Variants in LINC00632 observed in about 807,000 individuals in gnomAD.
LINC00632 encodes the protein ALDOA related specific transcript.
exon 5 of LINC00632, among the ~76,000 whole-genome samples, chrX:140,776,548 G>A (rs1351916462): frequency 2.7e-5 from 3 of 112,929 alleles, no homozygotes; most frequent in Non-Finnish European, 5.6e-5. Flanking sequence ...GCCCGCGCGT[G>A]ACCACCCACT....
At chrX:140,714,199 C>T (rs959389960) in intron 2 of LINC00632, 1 of 165,193 alleles carries the variant, frequency 6.1e-6, no homozygotes, top group Non-Finnish European at 1.1e-5. Flanking sequence ...CATCATGACA[C>T]AAAGACTCTC....
chrX:140,735,210 C>T (rs189757001), intron 3 of LINC00632, among the ~76,000 whole-genome samples: 121 of 111,483 alleles, frequency 1.1e-3, no homozygotes, highest in African/African-American at 3.9e-3. Context: ...AAATTTTGTT[C>T]CCATAAATAA....
chrX:140,739,629 T>C (rs1290489239), intron 3 of LINC00632, among the ~76,000 whole-genome samples: 1 of 111,857 alleles, frequency 8.9e-6, no homozygotes, highest in Non-Finnish European at 1.9e-5. Context: ...TTTAATTTTA[T>C]ACTTACTAAT....
chrX:140,765,839 A>G (rs1406620705), intron 3 of LINC00632, among the ~76,000 whole-genome samples: 1 of 111,782 alleles, frequency 8.9e-6, no homozygotes, highest in Admixed American at 9.5e-5. Context: ...TAGGGGATGG[A>G]CTGGTTTTAT....
chrX:140,786,332 G>A (rs1217376334), exon 5 of LINC00632, among the ~76,000 whole-genome samples: 1 of 111,558 alleles, frequency 9.0e-6, no homozygotes, highest in Non-Finnish European at 1.9e-5. Context: ...ACAACATACA[G>A]ATAATTGGAA....
At chrX:140,786,669 T>C (rs962441182) in exon 5 of LINC00632, among the ~76,000 whole-genome samples, 2 of 111,517 alleles carry the variant, frequency 1.8e-5, no homozygotes, top group Admixed American at 1.9e-4. Flanking sequence ...GTTTAGTATA[T>C]TCCACTTCAA....
intron 2 of LINC00632, among the ~76,000 whole-genome samples, chrX:140,712,408 CTTT>C (rs61359627): frequency 0.041 from 3,490 of 84,388 alleles, 198 homozygotes; most frequent in African/African-American, 0.14. Context: ...CCTTCAACCT[CTTT>C]TTTTTTTTTT....
chrX:140,720,386 G>T (rs139134563), intron 2 of LINC00632, among the ~76,000 whole-genome samples: 1 of 111,142 alleles, frequency 9.0e-6, no homozygotes, highest in Non-Finnish European at 1.9e-5. Flanking sequence ...GATACATTAT[G>T]CCACACCTAG....
At chrX:140,760,536 C>T (rs113008685) in intron 3 of LINC00632, among the ~76,000 whole-genome samples, 5,914 of 110,899 alleles carry the variant, frequency 0.053, 137 homozygotes, top group South Asian at 0.087. Context: ...TTTGGGAGGC[C>T]GAGGCGGGTG....
chrX:140,766,614 G>A, intron 3 of LINC00632, among the ~76,000 whole-genome samples: 1 of 111,907 alleles, frequency 8.9e-6, no homozygotes, highest in Non-Finnish European at 1.9e-5. Context: ...GGATATGCAT[G>A]GTCATGTGAT....
chrX:140,723,040 C>CAAAAA (rs200591996), intron 2 of LINC00632, among the ~76,000 whole-genome samples: 1 of 87,118 alleles, frequency 1.1e-5, no homozygotes, highest in Non-Finnish European at 2.2e-5. Flanking sequence ...AACTCCATCT[C>CAAAAA]AAAAAAAAAA....
intron 3 of LINC00632, among the ~76,000 whole-genome samples, chrX:140,753,768 CTTT>C (rs752596283): frequency 2.0e-5 from 1 of 49,729 alleles, no homozygotes. Flanking sequence ...TTCTTTCTTT[CTTT>C]TTTTTTTTTT....
intron 3 of LINC00632, among the ~76,000 whole-genome samples, chrX:140,742,876 A>AGG (rs1931253720): frequency 1.2e-5 from 1 of 86,010 alleles, no homozygotes; most frequent in Non-Finnish European, 2.2e-5. Context: ...AGAGAGAGAG[A>AGG]GAGGAAGGAA....
exon 5 of LINC00632, among the ~76,000 whole-genome samples, chrX:140,788,101 A>G (rs1321846131): frequency 3.6e-5 from 4 of 110,056 alleles, no homozygotes; most frequent in African/African-American, 1.3e-4. Context: ...TATATTATTT[A>G]GGGCTACATA....
At chrX:140,775,557 T>C (rs1223815665) in exon 5 of LINC00632, among the ~76,000 whole-genome samples, 8 of 112,027 alleles carry the variant, frequency 7.1e-5, no homozygotes, top group African/African-American at 2.3e-4. Context: ...ATCGCTGTTG[T>C]TTCTGTCTTA....
chrX:140,723,651 C>T (rs1602734840), intron 2 of LINC00632, among the ~76,000 whole-genome samples: 3 of 66,149 alleles, frequency 4.5e-5, no homozygotes, highest in African/African-American at 1.5e-4. Context: ...ATTCCATACA[C>T]ACACACATTC....
intron 3 of LINC00632, chrX:140,764,821 C>T (rs1290652205): frequency 9.0e-6 from 1 of 111,296 alleles, no homozygotes; most frequent in African/African-American, 3.3e-5. Context: ...ACCTCTGCGA[C>T]CTCCTCCTCC....
At chrX:140,729,405 A>T (rs1196084481) in intron 2 of LINC00632, among the ~76,000 whole-genome samples, 2 of 110,902 alleles carry the variant, frequency 1.8e-5, no homozygotes, top group African/African-American at 6.6e-5. Context: ...AAACACATAG[A>T]TTTCCTGTAA....
chrX:140,723,316 GAC>G (rs1930768797), intron 2 of LINC00632, among the ~76,000 whole-genome samples: 4 of 5,027 alleles, frequency 8.0e-4, no homozygotes, highest in Non-Finnish European at 1.7e-3. Flanking sequence ...CATACACACA[GAC>G]ACACATTCCA....
Sources: gnomAD v4.1 joint callset for allele counts (sites outside exome capture counted in the v4.1 genomes callset) on GRCh38, gnomAD v4.1.1 for gene constraint, MANE v1.5 for transcripts, NCBI Gene and HGNC (gene_info 2026-07-23, HGNC 2026-07-21) for gene names.